Variants in ZNF208 observed in about 807,000 individuals in gnomAD.
ZNF208 encodes the protein zinc finger protein 208, also known as zinc finger protein 95.
In ZNF208, 10 loss-of-function variants were observed where a neutral mutation model predicts 12.1. That is an observed-to-expected ratio of 0.83 (90% CI 0.51 to 1.40). The LOEUF (loss-of-function observed/expected upper bound fraction) is 1.40, where lower values mean the gene tolerates loss of function less well. Among genes scored for constraint, ZNF208 ranks in the 40% most tolerant of loss-of-function variants. The probability of loss-of-function intolerance (pLI) is 0.00; values close to 1 mark genes in which losing one functional copy is unlikely to be tolerated. For missense variants in ZNF208, 1,652 were observed against 1,485.0 expected (o/e 1.11, Z -1.85); for synonymous variants, 497 against 488.4 (o/e 1.02, Z -0.23).
At chr19:21,944,102 T>C (rs1028876031) in intron 4 of ZNF208, among the ~76,000 whole-genome samples, 3 of 152,230 alleles carry the variant, frequency 2.0e-5, no homozygotes, top group African/African-American at 7.2e-5. Flanking sequence ...TAAATCTCAC[T>C]AAAAGGCACT....
rs1055730558 is a variant in ZNF208 at position 21,971,987 on chromosome 19, A to C, written c.3047T>G (p.Leu1016Arg). ...AGTGTGAATTTTCTTATGTTCCATA[A>C]GGTTTGATGACCAGTTGAAAGCTTT... Reference protein sequence around the residue: ...CGKAFNWSSNLMEHKKIHTGE... With the variant: ...CGKAFNWSSNRMEHKKIHTGE... The change falls in exon 4 of 4, where the codon CTT becomes CGT. Residue 1016 changes from leucine (L) to arginine (R), a missense_variant. Transcript: ENST00000397126. 6 of 1,613,270 alleles carry C rather than the reference A, an allele frequency of 3.7e-6. No individual in the cohort carries two copies. The highest frequency in any genetic ancestry group is 5.1e-6 in the Non-Finnish European group (6 of 1,179,828).
In ZNF208 at chr19:21,973,093, A is replaced by C; in HGVS notation, c.1941T>G (p.Ile647Met). ...YKCKECGKTF[I>M]KVSTLTTHKA... is the part of the protein sequence containing the mutation. Reference sequence around the variant, plus strand: ...TATGTGTAGTAAGGGTTGAGACCTTAATAAAGGTTTTGCCACATTCTTTAC... The same window carrying C: ...TATGTGTAGTAAGGGTTGAGACCTTCATAAAGGTTTTGCCACATTCTTTAC... Residue 647 changes from isoleucine (I) to methionine (M), a missense_variant, in exon 4 of 4, where the codon ATT (isoleucine) becomes ATG (methionine). Coordinates refer to ENST00000397126, the MANE Select transcript of ZNF208 (RefSeq NM_007153.3). The C allele has an allele frequency of 6.2e-7, 1 of 1,600,248 alleles. No individual in the cohort carries two copies. Among genetic ancestry groups the C allele is most frequent in the Non-Finnish European group, 8.5e-7 (1 of 1,171,944 alleles).
At chr19:21,950,743 C>T (rs971954310) in intron 4 of ZNF208, among the ~76,000 whole-genome samples, 1 of 152,092 alleles carries the variant, frequency 6.6e-6, no homozygotes, top group Non-Finnish European at 1.5e-5. Context: ...GATCCACCCG[C>T]CTCAGCCTCC....
chr19:21,964,986 T>C (rs1970139095), downstream of ZNF208, among the ~76,000 whole-genome samples: 2 of 151,982 alleles, frequency 1.3e-5, no homozygotes, highest in Non-Finnish European at 2.9e-5. Context: ...TACAAGCCTA[T>C]AAATTTTATT....
intron 1 of ZNF208, among the ~76,000 whole-genome samples, chr19:22,010,406 T>C (rs1971124599): frequency 6.6e-6 from 1 of 152,160 alleles, no homozygotes; most frequent in Non-Finnish European, 1.5e-5. Context: ...AAATTTTTAA[T>C]AGGAGAAAAC....
intron 1 of ZNF208, among the ~76,000 whole-genome samples, chr19:22,008,302 C>CAAAAAAAAA (rs71180503): frequency 9.1e-5 from 9 of 98,930 alleles, no homozygotes; most frequent in African/African-American, 3.5e-4. Flanking sequence ...GACTCTATCT[C>CAAAAAAAAA]AAAAAAAAAA....
In ZNF208 at chr19:21,974,203, T is replaced by C. The variant is rs941360191; in HGVS notation, c.831A>G (p.Ile277Met). The change falls in exon 4 of 4, where the codon ATA (isoleucine) becomes ATG (methionine). Residue 277 changes from isoleucine (I) to methionine (M), a missense_variant. By Grantham distance (10) the Ile-to-Met change is conservative. Transcript: ENST00000397126. ...TGTTGGGTTTCTCTCCAGTATGAAT[T>C]ATCTTATGTTTAGTAAGGATTGCAG... ...NQSAILTKHK[I>M]IHTGEKPNKC... 13 of 1,602,802 alleles carry C rather than the reference T, an allele frequency of 8.1e-6. No homozygotes were observed. The highest frequency in any genetic ancestry group is 1.3e-5 in the African/African-American group (1 of 74,636).
intron 1 of ZNF208, 67 bp from the exon 2 acceptor site, chr19:21,988,976 A>G: frequency 1.3e-6 from 2 of 1,599,316 alleles, no homozygotes; most frequent in Non-Finnish European, 8.5e-7. Flanking sequence ...GACTCAAGGT[A>G]AAATGCAGAG....
At chr19:21,954,789 A>G (rs1969946843) in intron 4 of ZNF208, among the ~76,000 whole-genome samples, 2 of 152,166 alleles carry the variant, frequency 1.3e-5, no homozygotes, top group South Asian at 4.2e-4. Context: ...TCTTTATCCA[A>G]TTTGCCAGTC....
chr19:22,010,919 C>T lies in ZNF208; in HGVS notation c.-125G>A, dbSNP rs1219763864. 1.4e-6 allele frequency: 2 copies of T among 1,416,584 alleles called. No homozygotes were observed. Among genetic ancestry groups the T allele is most frequent in the African/African-American group, 1.4e-5 (1 of 70,836 alleles). The allele number at this position is 1,416,584 out of a possible 1,614,324, so 87.8% of individuals were successfully genotyped here. Reference sequence around the variant, plus strand: ...ACAGCAGTAAGGACGAGACCTTGACCTCCGGCTGCAGCGAGAGACAAAGGA... The same window carrying T: ...ACAGCAGTAAGGACGAGACCTTGACTTCCGGCTGCAGCGAGAGACAAAGGA... On this transcript the variant is annotated 5_prime_UTR_variant, in exon 1 of 4. Coordinates refer to ENST00000397126, the MANE Select transcript of ZNF208 (RefSeq NM_007153.3).
At position 21,972,123 on chromosome 19, in the gene ZNF208, T is replaced by C; in HGVS notation, c.2911A>G (p.Lys971Glu). 1 of 1,610,034 alleles carries C rather than the reference T, an allele frequency of 6.2e-7. No individual in the cohort carries two copies. The highest frequency in any genetic ancestry group is 8.5e-7 in the Non-Finnish European group (1 of 1,177,506). The change falls in exon 4 of 4, where the codon AAA becomes GAA. Residue 971 changes from lysine (K) to glutamate (E), a missense_variant. Transcript: ENST00000397126. ...CCACATTCTTCATATTTGTAAGGTTTCTCTTCAGTATGAATTTTCTTATGA... is the reference window on the plus strand; with the variant it reads ...CCACATTCTTCATATTTGTAAGGTTCCTCTTCAGTATGAATTTTCTTATGA... ...SYHKKIHTEE[K>E]PYKYEECGKG...
chr19:21,964,465 A>G (rs1279020914), downstream of ZNF208, among the ~76,000 whole-genome samples: 5 of 151,750 alleles, frequency 3.3e-5, no homozygotes, highest in South Asian at 2.1e-4. Context: ...TTTAATATAT[A>G]TTTTTAAACT....
At chr19:21,950,914 T>C (rs1415247003) in intron 4 of ZNF208, among the ~76,000 whole-genome samples, 1 of 152,168 alleles carries the variant, frequency 6.6e-6, no homozygotes, top group Non-Finnish European at 1.5e-5. Flanking sequence ...TATATACGTG[T>C]TTTGTGTGAT....
Position 21,971,693 on chromosome 19 carries a change from T to C in ZNF208, c.3341A>G (p.Lys1114Arg), listed in dbSNP as rs780777236. 1.9e-6 allele frequency: 3 copies of C among 1,613,918 alleles called. No homozygotes were observed. The Admixed American group carries it at 5.0e-5, about 27-fold the overall frequency. The change falls in exon 4 of 4, where the codon AAA becomes AGA. Residue 1114 changes from lysine (K) to arginine (R), a missense_variant. Coordinates refer to ENST00000397126, the MANE Select transcript of ZNF208 (RefSeq NM_007153.3). ...AAAGCTTTTGCCACATTCTTCACAT[T>C]TGTAGGGTTTCTCTCCAGTATGAAT... ...KRIHTGEKPY[K>R]CEECGKSFST... is the part of the protein sequence containing the mutation.
intron 4 of ZNF208, among the ~76,000 whole-genome samples, chr19:21,950,507 T>A (rs927422369): frequency 4.6e-5 from 7 of 150,700 alleles, no homozygotes; most frequent in South Asian, 4.2e-4. Flanking sequence ...TTTTTTTTTT[T>A]ATGCAGGACA....
rs376886020 is a variant in ZNF208 at position 21,972,681 on chromosome 19, C to T, written c.2353G>A (p.Ala785Thr). The T allele has an allele frequency of 1.1e-5, 17 of 1,589,222 alleles. No individual in the cohort carries two copies. Among genetic ancestry groups the T allele is most frequent in the Non-Finnish European group, 1.0e-5 (12 of 1,165,892 alleles). Residue 785 changes from alanine to threonine, a missense_variant, in exon 4 of 4, where the codon GCT becomes ACT. Coordinates refer to ENST00000397126, the MANE Select transcript of ZNF208 (RefSeq NM_007153.3). ...KPYKCEECGK[A>T]FNRSAILIKH... is the part of the protein sequence containing the mutation. ...ATAAGGATTGCAGATCGGTTAAAAG[C>T]TTTGCCACATTCTTCACATTTGTAG...
intron 4 of ZNF208, among the ~76,000 whole-genome samples, chr19:21,956,842 G>T (rs916432138): frequency 3.8e-4 from 58 of 152,112 alleles, no homozygotes; most frequent in African/African-American, 1.3e-3. Context: ...TGCACCCACT[G>T]TCCAACAAGC....
chr19:21,987,421 C>A, intron 2 of ZNF208, 110 bp from the exon 3 acceptor site: 1 of 1,111,844 alleles, frequency 9.0e-7, no homozygotes, highest in South Asian at 2.7e-5. Flanking sequence ...AGATTTATCC[C>A]AAAATACTAA....
At chr19:21,941,158 T>G (rs1969733355) in intron 4 of ZNF208, 1 of 391,862 alleles carries the variant, frequency 2.6e-6, no homozygotes, top group South Asian at 1.4e-4. Flanking sequence ...TTCAGCCAAA[T>G]GGAGGAACTG....
Sources: gnomAD v4.1 joint callset for allele counts (sites outside exome capture counted in the v4.1 genomes callset) on GRCh38, gnomAD v4.1.1 for gene constraint, MANE v1.5 for transcripts, NCBI Gene and HGNC (gene_info 2026-07-23, HGNC 2026-07-21) for gene names.